The following ZSCAN18 variants were observed in gnomAD, a reference collection of about 807,000 sequenced individuals.
ZSCAN18 encodes the protein zinc finger and SCAN domain-containing protein 18.
Under a neutral mutation model 31.1 loss-of-function variants are expected in ZSCAN18, and 16 were observed. The ratio of observed to expected loss-of-function variants is 0.51; its 90% CI spans 0.35 to 0.78. The LOEUF (loss-of-function observed/expected upper bound fraction) is 0.78. ZSCAN18 is among the 30% of genes least tolerant of loss of function. The pLI, the probability that ZSCAN18 is intolerant of heterozygous loss-of-function variation, is 0.01. For synonymous variants in ZSCAN18, 375 were observed against 320.7 expected (o/e 1.17, Z -1.81); for missense variants, 731 against 697.4 (o/e 1.05, Z -0.54).
chr19:58,100,219 T>A (rs943502322), upstream of ZSCAN18, among the ~76,000 whole-genome samples: 2 of 152,060 alleles, frequency 1.3e-5, no homozygotes, highest in African/African-American at 4.8e-5. Flanking sequence ...CCTCCCAAAG[T>A]GCTGGGATTA....
chr19:58,113,219 G>A (rs572313937), intron 1 of ZSCAN18, among the ~76,000 whole-genome samples: 1 of 151,466 alleles, frequency 6.6e-6, no homozygotes, highest in Admixed American at 6.6e-5. Flanking sequence ...GGGAGGCTGA[G>A]GCACGAGAAT....
rs766769226 is a variant in ZSCAN18 at position 58,090,432 on chromosome 19, C to G, written c.-119-46G>C. The G allele has an allele frequency of 6.9e-7, 1 of 1,448,282 alleles. No individual in the cohort carries two copies. Among genetic ancestry groups the G allele is most frequent in the Non-Finnish European group, 9.1e-7 (1 of 1,094,192 alleles). The allele number at this position is 1,448,282 out of a possible 1,614,324, so 89.7% of individuals were successfully genotyped here. A position where few individuals can be genotyped will look rare whatever the true frequency, so the allele number is the denominator to read the frequency against. ...GCAATGGCCTTGCATAAGGCCAGGGCGCAGCCACCCCAGCTGCCAGAGAAC... is the reference window on the plus strand; with the variant it reads ...GCAATGGCCTTGCATAAGGCCAGGGGGCAGCCACCCCAGCTGCCAGAGAAC... On this transcript the variant is annotated intron_variant, in intron 1 of 6. Coordinates refer to ENST00000601144, the MANE Select transcript of ZSCAN18 (RefSeq NM_001145543.2). This position sits in a 1 kb window ranked among gnomAD's most constrained non-coding sequence, Gnocchi z 4.7.
chr19:58,086,996 A>G lies in ZSCAN18; in HGVS notation c.655T>C (p.Phe219Leu), dbSNP rs2074294094. ...CCCAGGTGCTGAGGGTCCTCTGGAA[A>G]GGACTTCAGCTTCTGAAACATTAGT... Reference protein sequence around the residue: ...PANTEQKLKSFPEDPQHLGEW... With the variant: ...PANTEQKLKSLPEDPQHLGEW... The change falls in exon 5 of 7, where the codon TTT becomes CTT. Residue 219 changes from phenylalanine to leucine, a missense_variant. Phe to Leu is a conservative substitution (Grantham distance 22). Transcript: ENST00000601144. The G allele has an allele frequency of 6.2e-7, 1 of 1,612,080 alleles. No individual in the cohort carries two copies. Among genetic ancestry groups the G allele is most frequent in the South Asian group, 1.1e-5 (1 of 89,798 alleles).
At chr19:58,106,803 C>T (rs1020786227) in intron 1 of ZSCAN18, among the ~76,000 whole-genome samples, 2 of 151,724 alleles carry the variant, frequency 1.3e-5, no homozygotes, top group Admixed American at 6.6e-5. Context: ...TTCTGTTTCC[C>T]AGGCTGCAGT....
At chr19:58,115,400 A>T (rs1441813996) in intron 1 of ZSCAN18, among the ~76,000 whole-genome samples, 2 of 152,386 alleles carry the variant, frequency 1.3e-5, no homozygotes, top group Middle Eastern at 6.8e-3. Context: ...CATTGCAGAA[A>T]ATCTGGAAAA....
At chr19:58,115,905 T>C (rs2074725727) in intron 1 of ZSCAN18, among the ~76,000 whole-genome samples, 1 of 151,998 alleles carries the variant, frequency 6.6e-6, no homozygotes, top group Non-Finnish European at 1.5e-5. Context: ...ACATTCAACT[T>C]GCCTCCCTAA....
intron 1 of ZSCAN18, among the ~76,000 whole-genome samples, chr19:58,115,797 C>A (rs1446346994): frequency 6.6e-6 from 1 of 152,058 alleles, no homozygotes; most frequent in Non-Finnish European, 1.5e-5. Context: ...ACTTTTGTTA[C>A]AGTTAGTATG....
chr19:58,118,338 C>G (rs2074751341), exon 1 of ZSCAN18: 4 of 1,533,034 alleles, frequency 2.6e-6, no homozygotes, highest in Non-Finnish European at 3.5e-6. Flanking sequence ...CGCGAGAGGA[C>G]GGAACTCACT....
intron 1 of ZSCAN18, chr19:58,108,608 T>A: frequency 1.0e-6 from 1 of 985,706 alleles, no homozygotes; most frequent in Non-Finnish European, 1.2e-6. Flanking sequence ...CTCTCTCCAG[T>A]ATGAGTCCTC....
chr19:58,110,591 G>C (rs1600012560), intron 1 of ZSCAN18, among the ~76,000 whole-genome samples: 1 of 152,120 alleles, frequency 6.6e-6, no homozygotes, highest in Non-Finnish European at 1.5e-5. Context: ...CCAGAAACCT[G>C]CTCCACTGGG....
Position 58,091,985 on chromosome 19 carries a change from T to C in ZSCAN18, c.-119-1599A>G, listed in dbSNP as rs143933698. On this transcript the variant is annotated intron_variant, in intron 1 of 6. Transcript: ENST00000601144. The stretch of plus-strand genomic sequence containing the variant: ...CTGCTCTGACAGTGCTCCACCAGAA[T>C]ATGGGGCGCAAAGACCTCACCGCTG... Among the ~76,000 whole-genome samples, 83 of 151,998 alleles carry C rather than the reference T, an allele frequency of 5.5e-4. 1 individual carries two copies. The highest frequency in any genetic ancestry group is 1.9e-3 in the African/African-American group (79 of 41,484).
At chr19:58,117,919 T>G (rs1393132910) in intron 1 of ZSCAN18, among the ~76,000 whole-genome samples, 3 of 151,676 alleles carry the variant, frequency 2.0e-5, no homozygotes, top group Non-Finnish European at 4.4e-5. Context: ...GGCACCGCAC[T>G]GGGGAGAAGG....
At chr19:58,102,228 G>T (rs1043465442), upstream of ZSCAN18, among the ~76,000 whole-genome samples, 3 of 152,094 alleles carry the variant, frequency 2.0e-5, no homozygotes, top group African/African-American at 7.2e-5. Flanking sequence ...GGAGGCCGAG[G>T]TGGGCTGCTC....
At chr19:58,102,897 C>T (rs778050673), upstream of ZSCAN18, among the ~76,000 whole-genome samples, 1 of 152,048 alleles carries the variant, frequency 6.6e-6, no homozygotes, top group Non-Finnish European at 1.5e-5. Context: ...TTTGGGAGGC[C>T]GAGGTGGGTG....
chr19:58,090,369 G>A lies in ZSCAN18; in HGVS notation c.-102C>T. The A allele has an allele frequency of 6.3e-7, 1 of 1,583,558 alleles. No homozygotes were observed. The highest frequency in any genetic ancestry group is 8.6e-7 in the Non-Finnish European group (1 of 1,162,336). On this transcript the variant is annotated 5_prime_UTR_variant, in exon 2 of 7. Coordinates refer to ENST00000601144, the MANE Select transcript of ZSCAN18 (RefSeq NM_001145543.2). This position sits in a 1 kb window ranked among gnomAD's most constrained non-coding sequence, Gnocchi z 4.7. ...ACCAGATGCCCAGTGGGCTCAGGTG[G>A]TGCCAGAACCCACAGACCTGCAGAG...
rs753428531 is a variant in ZSCAN18 at position 58,085,004 on chromosome 19, G to C, written c.1214C>G (p.Pro405Arg). Residue 405 changes from proline (P) to arginine (R), a missense_variant, in exon 7 of 7, where the codon CCG becomes CGG. By Grantham distance (103) the Pro-to-Arg change is moderately radical. Around this residue, in one of 4 missense-constraint regions of ZSCAN18, gnomAD observed 597 missense variants for 499.5 expected, o/e 1.20. Transcript: ENST00000601144. Reference sequence around the variant, plus strand: ...ATAGGGCTTCCCGCGGGACAAGCCCGGCTCGTCAGCCCCAGGGCCCTGCCC... The same window carrying C: ...ATAGGGCTTCCCGCGGGACAAGCCCCGCTCGTCAGCCCCAGGGCCCTGCCC... ...EAGQGPGADE[P>R]GLSRGKPYAC... 5.7e-6 allele frequency: 9 copies of C among 1,592,820 alleles called. No homozygotes were observed. The highest frequency in any genetic ancestry group is 3.3e-4 in the Middle Eastern group (2 of 6,008).
chr19:58,091,546 G>T (rs2074410795), intron 1 of ZSCAN18, among the ~76,000 whole-genome samples: 1 of 151,080 alleles, frequency 6.6e-6, no homozygotes, highest in South Asian at 2.1e-4. Context: ...ATGGGGGGTG[G>T]GGGGTGGGGG....
At chr19:58,085,767 A>C in intron 6 of ZSCAN18, 1 of 314,354 alleles carries the variant, frequency 3.2e-6, no homozygotes, top group Non-Finnish European at 5.9e-6. Flanking sequence ...CTGCCAGCGA[A>C]GAGAGTGGGG....
At chr19:58,086,073 G>T in intron 6 of ZSCAN18, 101 bp downstream of exon 6, 1 of 924,620 alleles carries the variant, frequency 1.1e-6, no homozygotes, top group Non-Finnish European at 1.7e-6. Flanking sequence ...AGTCAATGCT[G>T]AGGTCTTTGC....
Sources: gnomAD v4.1 joint callset for allele counts (sites outside exome capture counted in the v4.1 genomes callset) on GRCh38, gnomAD v4.1.1 for gene constraint, gnomAD v4.1.1 regional missense constraint, Gnocchi (gnomAD v3.1) non-coding constraint, MANE v1.5 for transcripts, NCBI Gene and HGNC (gene_info 2026-07-23, HGNC 2026-07-21) for gene names.